INPP4B: variants seen among roughly 807,000 people sequenced by gnomAD.
The protein encoded by INPP4B is inositol polyphosphate-4-phosphatase type II B, also known as inositol polyphosphate 4-phosphatase type II.
Under a neutral mutation model 122.5 loss-of-function variants are expected in INPP4B, and 55 were observed. The observed-to-expected ratio is 0.45, with a 90% confidence interval of 0.36 to 0.56. The LOEUF (loss-of-function observed/expected upper bound fraction) is 0.56. Ranked by LOEUF, INPP4B falls within the 20% of genes least tolerant of loss-of-function variation. The pLI is 0.00. For synonymous variants in INPP4B, 403 were observed against 388.7 expected (o/e 1.04, Z -0.43); for missense variants, 1,000 against 1,097.7 (o/e 0.91, Z 1.26).
chr4:142,645,721 C>T (rs1303050572), intron 2 of INPP4B, among the ~76,000 whole-genome samples: 1 of 152,174 alleles, frequency 6.6e-6, no homozygotes, highest in Non-Finnish European at 1.5e-5. Flanking sequence ...CTGTTGAATT[C>T]TTGTTCACAC....
At chr4:142,126,423 G>C (rs1798644836) in intron 18 of INPP4B, among the ~76,000 whole-genome samples, 1 of 152,020 alleles carries the variant, frequency 6.6e-6, no homozygotes, top group Non-Finnish European at 1.5e-5. Flanking sequence ...TGGTATAATA[G>C]ACTAGATGAA....
intron 17 of INPP4B, 85 bp from the exon 18 acceptor site, chr4:142,146,081 T>A: frequency 6.9e-7 from 1 of 1,446,796 alleles, no homozygotes; most frequent in South Asian, 1.3e-5. Context: ...TAGAGAAGCA[T>A]TTGGAAGGGT....
intron 3 of INPP4B, among the ~76,000 whole-genome samples, chr4:142,449,217 T>C (rs1027547790): frequency 1.3e-5 from 2 of 152,124 alleles, no homozygotes; most frequent in African/African-American, 4.8e-5. Context: ...GATGTTCTCC[T>C]CTTTACCGCG....
intron 2 of INPP4B, among the ~76,000 whole-genome samples, chr4:142,493,421 C>T (rs187702997): frequency 1.0e-3 from 154 of 152,310 alleles, no homozygotes; most frequent in African/African-American, 3.6e-3. Flanking sequence ...GCCACAGACA[C>T]TCAATACTAG....
chr4:142,030,509 A>T (rs1038740415), intron 25 of INPP4B, among the ~76,000 whole-genome samples: 1 of 152,194 alleles, frequency 6.6e-6, no homozygotes, highest in Admixed American at 6.6e-5. Context: ...TTAAAACAGG[A>T]GATTCCTTTA....
chr4:142,278,132 C>T (rs1291844012), intron 9 of INPP4B, among the ~76,000 whole-genome samples: 2 of 151,914 alleles, frequency 1.3e-5, no homozygotes, highest in South Asian at 2.1e-4. Flanking sequence ...GGAGTATGCA[C>T]ACTCTACAGC....
intron 7 of INPP4B, among the ~76,000 whole-genome samples, chr4:142,343,279 T>C (rs974506548): frequency 6.6e-6 from 1 of 152,026 alleles, no homozygotes; most frequent in Non-Finnish European, 1.5e-5. Flanking sequence ...CTGAAATTGA[T>C]ATTCTGACTG....
intron 12 of INPP4B, among the ~76,000 whole-genome samples, chr4:142,214,660 C>A (rs1057107278): frequency 1.3e-5 from 2 of 152,158 alleles, no homozygotes; most frequent in African/African-American, 4.8e-5. Flanking sequence ...TCCAGTGATT[C>A]TCCTGCCTCA....
intron 25 of INPP4B, among the ~76,000 whole-genome samples, chr4:142,056,441 G>C (rs907878931): frequency 5.9e-5 from 9 of 152,034 alleles, no homozygotes; most frequent in Admixed American, 5.9e-4. Flanking sequence ...TAAACTTTCA[G>C]GGAAACCTTT....
intron 2 of INPP4B, among the ~76,000 whole-genome samples, chr4:142,677,502 A>C (rs1757987541): frequency 6.6e-6 from 1 of 152,120 alleles, no homozygotes; most frequent in South Asian, 2.1e-4. Context: ...TGTAATACCC[A>C]AAGGATTATA....
chr4:142,781,972 A>T (rs187889263), intron 1 of INPP4B, among the ~76,000 whole-genome samples: 1 of 151,412 alleles, frequency 6.6e-6, no homozygotes, highest in Non-Finnish European at 1.5e-5. Flanking sequence ...TATTTTTTTT[A>T]TTTTTTAATT....
intron 17 of INPP4B, among the ~76,000 whole-genome samples, chr4:142,154,870 T>C (rs781652546): frequency 5.9e-5 from 9 of 152,040 alleles, no homozygotes; most frequent in Non-Finnish European, 8.8e-5. Flanking sequence ...GACATTGTTT[T>C]TTTCCTATCA....
intron 25 of INPP4B, among the ~76,000 whole-genome samples, chr4:142,074,253 T>C (rs1769231295): frequency 6.6e-6 from 1 of 152,132 alleles, no homozygotes; most frequent in South Asian, 2.1e-4. Context: ...CAAAACTCCA[T>C]TATATGAAAC....
intron 1 of INPP4B, among the ~76,000 whole-genome samples, chr4:142,808,126 G>A (rs1437904266): frequency 7.4e-6 from 1 of 135,932 alleles, no homozygotes; most frequent in Admixed American, 7.2e-5. Context: ...ACACACACAC[G>A]AAAAGAAACA....
At chr4:142,396,028 T>C (rs1379623685) in intron 7 of INPP4B, among the ~76,000 whole-genome samples, 1 of 152,140 alleles carries the variant, frequency 6.6e-6, no homozygotes, top group Non-Finnish European at 1.5e-5. Context: ...TTAAGATTTT[T>C]TAAGAGGTTA....
intron 2 of INPP4B, among the ~76,000 whole-genome samples, chr4:142,613,907 T>A (rs1233760151): frequency 1.3e-5 from 2 of 152,210 alleles, no homozygotes; most frequent in African/African-American, 4.8e-5. Flanking sequence ...AGAAAGGGTT[T>A]GTTGTATTAA....
intron 7 of INPP4B, among the ~76,000 whole-genome samples, chr4:142,400,637 C>T (rs1033260379): frequency 8.5e-5 from 13 of 152,152 alleles, no homozygotes; most frequent in Non-Finnish European, 4.4e-5. Flanking sequence ...AGAGGTTATG[C>T]CTTAATCAAC....
intron 7 of INPP4B, among the ~76,000 whole-genome samples, chr4:142,318,475 T>C (rs1768682218): frequency 6.6e-6 from 1 of 152,200 alleles, no homozygotes. Context: ...ATTTCAAGCC[T>C]TCCTTAGGAA....
chr4:142,491,473 G>T (rs943901650), intron 2 of INPP4B, among the ~76,000 whole-genome samples: 3 of 152,062 alleles, frequency 2.0e-5, no homozygotes. Flanking sequence ...GACCAACATG[G>T]TGAAATCCCG....
Sources: allele counts gnomAD v4.1 joint callset (sites outside exome capture counted in the v4.1 genomes callset), GRCh38; gene constraint gnomAD v4.1.1; transcripts MANE v1.5; gene names NCBI Gene and HGNC (gene_info 2026-07-23, HGNC 2026-07-21).